Variants in CRTC1 observed in about 807,000 individuals in gnomAD.
CRTC1 encodes CREB-regulated transcription coactivator 1.
In CRTC1, 18 loss-of-function variants were observed where a neutral mutation model predicts 66.1. The ratio of observed to expected loss-of-function variants is 0.27; its 90% CI spans 0.19 to 0.40. The LOEUF is 0.40. Ranked by LOEUF, CRTC1 falls within the 10% of genes least tolerant of loss-of-function variation. The pLI is 1.00. For synonymous variants in CRTC1, 416 were observed against 398.8 expected (o/e 1.04, Z -0.51); for missense variants, 669 against 887.9 (o/e 0.75, Z 3.13).
At chr19:18,715,487 C>G (rs2053486419) in intron 1 of CRTC1, among the ~76,000 whole-genome samples, 1 of 152,244 alleles carries the variant, frequency 6.6e-6, no homozygotes, top group African/African-American at 2.4e-5. Flanking sequence ...CTGCAAATAC[C>G]TTATTTCCAA....
intron 7 of CRTC1, among the ~76,000 whole-genome samples, 192 bp from the exon 8 acceptor site, chr19:18,759,816 C>T (rs1021743743): frequency 1.3e-5 from 2 of 152,116 alleles, no homozygotes; most frequent in Non-Finnish European, 2.9e-5. Flanking sequence ...AGGCCCCCCA[C>T]CGTCCTCACC....
At position 18,771,419 on chromosome 19, in the gene CRTC1, T is replaced by C. The variant is rs773608285; in HGVS notation, c.1321-23T>C. The C allele has an allele frequency of 4.4e-6, 7 of 1,600,730 alleles. No individual in the cohort carries two copies. The highest frequency in any genetic ancestry group is 5.1e-6 in the Non-Finnish European group (6 of 1,173,340). ...GGGCTTGGGCAGCTGGGCTGCGGCG[T>C]GCTGATCTGTCTGTCATCGCAGGCG... On this transcript the variant is annotated intron_variant, in intron 10 of 13. Coordinates refer to ENST00000321949, the MANE Select transcript of CRTC1 (RefSeq NM_015321.3). The surrounding 1 kb of genome is among the most constrained non-coding windows in gnomAD (Gnocchi z 4.6).
At position 18,712,908 on chromosome 19, in the gene CRTC1, C is replaced by T. The variant is rs942628792; in HGVS notation, c.126+29080C>T. Among the ~76,000 whole-genome samples, 7 of 151,228 alleles carry T rather than the reference C, an allele frequency of 4.6e-5. No individual in the cohort carries two copies. In the East Asian group the frequency reaches 1.2e-3, roughly 25 times the overall value. The stretch of plus-strand genomic sequence containing the variant: ...CCGGGAGGTAGAGGCTACAGTGAGC[C>T]GAGATCGTGCCACTGCACTCCAGGC... On this transcript the variant is annotated intron_variant, in intron 1 of 13. Transcript: ENST00000321949.
intron 5 of CRTC1, among the ~76,000 whole-genome samples, chr19:18,750,322 C>G (rs376391374): frequency 1.4e-4 from 22 of 152,312 alleles, no homozygotes; most frequent in Middle Eastern, 3.4e-3. Flanking sequence ...ACTCTCCTCG[C>G]CTGCAGCCCC....
At chr19:18,719,808 T>A (rs2053583874) in intron 1 of CRTC1, among the ~76,000 whole-genome samples, 1 of 152,250 alleles carries the variant, frequency 6.6e-6, no homozygotes, top group African/African-American at 2.4e-5. Flanking sequence ...CTGCCGTGTC[T>A]GGGATCTGAC....
At chr19:18,732,305 T>A (rs1194710480) in intron 1 of CRTC1, among the ~76,000 whole-genome samples, 1 of 152,046 alleles carries the variant, frequency 6.6e-6, no homozygotes, top group Non-Finnish European at 1.5e-5. Flanking sequence ...TTGGAGGCCT[T>A]GTAAGAAGAA....
At chr19:18,703,670 C>T (rs2053198710) in intron 1 of CRTC1, among the ~76,000 whole-genome samples, 2 of 152,020 alleles carry the variant, frequency 1.3e-5, no homozygotes, top group Non-Finnish European at 2.9e-5. Flanking sequence ...GCTGTGTTGA[C>T]CAGGCTGGTC....
At chr19:18,748,032 A>AT in intron 4 of CRTC1, among the ~76,000 whole-genome samples, 1 of 152,132 alleles carries the variant, frequency 6.6e-6, no homozygotes, top group East Asian at 1.9e-4. Flanking sequence ...AGCTGTAATC[A>AT]TGCCACTACA....
intron 1 of CRTC1, among the ~76,000 whole-genome samples, chr19:18,700,495 CT>C (rs397859461): frequency 0.017 from 2,480 of 146,932 alleles, 30 homozygotes; most frequent in African/African-American, 0.025. Flanking sequence ...CTCTGCCACA[CT>C]TTTTTTTTTT....
chr19:18,711,587 G>A (rs1384859662), intron 1 of CRTC1, among the ~76,000 whole-genome samples: 5 of 152,206 alleles, frequency 3.3e-5, no homozygotes, highest in African/African-American at 9.6e-5. Flanking sequence ...GGCCGGCCAC[G>A]CTCCTGCTCC....
chr19:18,768,968 A>T lies in CRTC1; in HGVS notation c.1320+175A>T, dbSNP rs1402678215. ...CCCTTGGAATCAAACTGAGACTGTCACTCCCTGTAGAGATGGAGAAACTGA... is the reference window on the plus strand; with the variant it reads ...CCCTTGGAATCAAACTGAGACTGTCTCTCCCTGTAGAGATGGAGAAACTGA... On this transcript the variant is annotated intron_variant, in intron 10 of 13. Transcript: ENST00000321949. The surrounding 1 kb of genome is among the most constrained non-coding windows in gnomAD (Gnocchi z 5.6). Among the ~76,000 whole-genome samples, 4 of 152,042 alleles carry T rather than the reference A, an allele frequency of 2.6e-5. No individual in the cohort carries two copies. Among genetic ancestry groups the T allele is most frequent in the African/African-American group, 9.7e-5 (4 of 41,392 alleles).
chr19:18,727,700 G>A (rs2145660837), intron 1 of CRTC1, among the ~76,000 whole-genome samples: 1 of 151,896 alleles, frequency 6.6e-6, no homozygotes, highest in African/African-American at 2.4e-5. Context: ...GCAACAGCTG[G>A]GAGAGAGGCC....
intron 1 of CRTC1, among the ~76,000 whole-genome samples, chr19:18,695,769 G>A (rs918520608): frequency 2.6e-5 from 4 of 152,180 alleles, no homozygotes; most frequent in Admixed American, 6.5e-5. Context: ...GGAGGGTGAG[G>A]CAGGAGAATG....
In CRTC1 at chr19:18,760,026, C is replaced by G; in HGVS notation, c.684C>G (p.Asp228Glu). The G allele has an allele frequency of 6.3e-7, 1 of 1,588,640 alleles. No individual in the cohort carries two copies. The highest frequency in any genetic ancestry group is 1.3e-5 in the African/African-American group (1 of 74,312). The change falls in exon 8 of 14, where the codon GAC becomes GAG. Residue 228 changes from aspartate to glutamate, a missense_variant. Physicochemically the swap from Asp to Glu is conservative, Grantham distance 45 (BLOSUM62 2). Around this residue, in one of 8 missense-constraint regions of CRTC1, gnomAD observed 214 missense variants for 323.4 expected, o/e 0.66. Transcript: ENST00000321949. This position sits in a 1 kb window ranked among gnomAD's most constrained non-coding sequence, Gnocchi z 6.2. ...TTCCCAGCATCTTCCCGTCTGCCGA[C>G]CAGGAAAACACTACAGCCCTGATCC... ...VPGINIFPSA[D>E]QENTTALIPA...
chr19:18,706,539 A>G (rs2053270766), intron 1 of CRTC1, among the ~76,000 whole-genome samples: 1 of 152,104 alleles, frequency 6.6e-6, no homozygotes. Context: ...TTATGCCAGT[A>G]TCACACTCTT....
chr19:18,743,042 C>T lies in CRTC1; in HGVS notation c.243+16C>T. 1 of 1,579,146 alleles carries T rather than the reference C, an allele frequency of 6.3e-7. No homozygotes were observed. Among genetic ancestry groups the T allele is most frequent in the Non-Finnish European group, 8.7e-7 (1 of 1,149,448 alleles). On this transcript the variant is annotated intron_variant, in intron 2 of 13. Coordinates refer to ENST00000321949, the MANE Select transcript of CRTC1 (RefSeq NM_015321.3). ...GCCCTTCCAGGTGAGTGCCCCGCCC[C>T]CTGGCCCTGCCCCATTGTGGGGAGC...
chr19:18,717,496 A>T (rs1011738455), intron 1 of CRTC1, among the ~76,000 whole-genome samples: 7 of 151,954 alleles, frequency 4.6e-5, no homozygotes, highest in Non-Finnish European at 8.8e-5. Context: ...CACCCCAAAC[A>T]CTGTCCCCTC....
rs1466032598 is a variant in CRTC1, at chr19:18,760,660, C to A, written c.886+432C>A. 6.6e-6 allele frequency among the ~76,000 whole-genome samples: 1 copy of A among 152,038 alleles called. No individual in the cohort carries two copies. Among genetic ancestry groups the A allele is most frequent in the East Asian group, 1.9e-4 (1 of 5,194 alleles). ...TTGTCACATCCCAGCACCACCACCC[C>A]CACCCGTCTCCAGCTCCACACTCCT... On this transcript the variant is annotated intron_variant, in intron 8 of 13. Transcript: ENST00000321949. This position sits in a 1 kb window ranked among gnomAD's most constrained non-coding sequence, Gnocchi z 6.2.
intron 1 of CRTC1, among the ~76,000 whole-genome samples, chr19:18,714,339 G>A (rs1381212280): frequency 1.3e-5 from 2 of 151,688 alleles, no homozygotes; most frequent in African/African-American, 4.8e-5. Flanking sequence ...ACGGAGTCTT[G>A]CTCTGTCACC....
Sources: allele counts gnomAD v4.1 joint callset (sites outside exome capture counted in the v4.1 genomes callset), GRCh38; gene constraint gnomAD v4.1.1; regional missense constraint gnomAD v4.1.1; non-coding constraint Gnocchi (gnomAD v3.1); transcripts MANE v1.5; gene names NCBI Gene and HGNC (gene_info 2026-07-23, HGNC 2026-07-21).